ZHX2: variants seen among roughly 807,000 people sequenced by gnomAD.
ZHX2 encodes the protein zinc fingers and homeoboxes protein 2.
ZHX2 carries 6 observed loss-of-function variants against 21.9 expected under a neutral mutation model. That is an observed-to-expected ratio of 0.27 (90% confidence interval 0.15 to 0.54). The LOEUF (loss-of-function observed/expected upper bound fraction) is 0.54. Among genes scored for constraint, ZHX2 ranks in the 20% least tolerant of loss-of-function variants. ZHX2 has a pLI of 0.95. For synonymous variants in ZHX2, 434 were observed against 437.1 expected, an observed-to-expected ratio of 0.99 and a Z score of 0.09; for missense variants, 908 against 1,090.7, an observed-to-expected ratio of 0.83 and a Z score of 2.36.
intron 2 of ZHX2, among the ~76,000 whole-genome samples, chr8:122,911,830 T>C (rs963169163): frequency 2.0e-5 from 3 of 152,094 alleles, no homozygotes; most frequent in Non-Finnish European, 2.9e-5. Context: ...ATGAAGATGG[T>C]ACATTTCAGC....
intron 1 of ZHX2, among the ~76,000 whole-genome samples, chr8:122,785,305 G>A (rs1817373491): frequency 6.6e-6 from 1 of 152,276 alleles, no homozygotes; most frequent in Non-Finnish European, 1.5e-5. Flanking sequence ...AGACAACAAC[G>A]GGGTGAGGGG....
chr8:122,870,368 G>A (rs1489715686), intron 2 of ZHX2, among the ~76,000 whole-genome samples: 5 of 151,952 alleles, frequency 3.3e-5, no homozygotes, highest in African/African-American at 7.3e-5. Flanking sequence ...GGTAGCTCAC[G>A]CCTGTAATCC....
At chr8:122,892,003 A>G (rs1819991708) in intron 2 of ZHX2, among the ~76,000 whole-genome samples, 1 of 152,202 alleles carries the variant, frequency 6.6e-6, no homozygotes, top group African/African-American at 2.4e-5. Flanking sequence ...GGTCTGTCCA[A>G]TGCTGACAGT....
chr8:122,910,706 C>T (rs1319610081), intron 2 of ZHX2, among the ~76,000 whole-genome samples: 2 of 151,884 alleles, frequency 1.3e-5, no homozygotes, highest in Non-Finnish European at 2.9e-5. Flanking sequence ...CAATCGAGAC[C>T]CTTCCCCAGC....
chr8:122,875,129 TTATATA>T (rs71310631), intron 2 of ZHX2, among the ~76,000 whole-genome samples: 9 of 10,226 alleles, frequency 8.8e-4, no homozygotes, highest in South Asian at 2.6e-3. Flanking sequence ...GAAAACTCTG[TTATATA>T]TATATATATA....
At chr8:122,907,155 T>C (rs1210475847) in intron 2 of ZHX2, among the ~76,000 whole-genome samples, 1 of 152,110 alleles carries the variant, frequency 6.6e-6, no homozygotes, top group Non-Finnish European at 1.5e-5. Flanking sequence ...ATTTAGAAAG[T>C]TAATTTTGCC....
At chr8:122,963,395 A>G (rs778928741) in intron 3 of ZHX2, among the ~76,000 whole-genome samples, 10 of 151,858 alleles carry the variant, frequency 6.6e-5, no homozygotes, top group Non-Finnish European at 1.3e-4. Context: ...TCCCCACTTT[A>G]TGTTTTTGTT....
chr8:122,802,797 C>A (rs1158389618), intron 1 of ZHX2, among the ~76,000 whole-genome samples: 2 of 152,194 alleles, frequency 1.3e-5, no homozygotes, highest in Non-Finnish European at 2.9e-5. Context: ...GCAAGGCTGG[C>A]AGGGGGCTGC....
chr8:122,932,622 C>T (rs1416313546), intron 2 of ZHX2, among the ~76,000 whole-genome samples: 2 of 152,204 alleles, frequency 1.3e-5, no homozygotes, highest in East Asian at 3.8e-4. Context: ...AAGAGTGAAA[C>T]TCCATCTCAA....
intron 2 of ZHX2, among the ~76,000 whole-genome samples, chr8:122,925,322 T>C (rs530105275): frequency 6.6e-6 from 1 of 152,312 alleles, no homozygotes; most frequent in Admixed American, 6.5e-5. Flanking sequence ...GAGGACGTGA[T>C]GGTGTGTGAT....
At chr8:122,958,497 G>A (rs930401613) in intron 3 of ZHX2, among the ~76,000 whole-genome samples, 1 of 152,212 alleles carries the variant, frequency 6.6e-6, no homozygotes, top group African/African-American at 2.4e-5. Context: ...GACACCCACT[G>A]TGTGCTCAGC....
rs545298624 is a variant in ZHX2 at position 122,941,102 on chromosome 8, C to T, written c.-219-10190C>T. ...AAAAAAAAAAGATTGTTTTAAGAAG[C>T]TGGGCATGGTGGCATGTGCCTGTAG... On this transcript the variant is annotated intron_variant, in intron 2 of 3. Transcript: ENST00000314393. Among the ~76,000 whole-genome samples the T allele has an allele frequency of 1.3e-3, 203 of 150,914 alleles. 1 individual carries two copies. The highest frequency in any genetic ancestry group is 2.6e-3 in the Non-Finnish European group (175 of 67,858).
chr8:122,819,363 C>G (rs1310161682), intron 1 of ZHX2, among the ~76,000 whole-genome samples: 1 of 152,218 alleles, frequency 6.6e-6, no homozygotes, highest in Non-Finnish European at 1.5e-5. Flanking sequence ...ATAGAGTAAG[C>G]ATGCCAGCAG....
Position 122,803,762 on chromosome 8 carries a change from CT to C in ZHX2, c.-283+21817del, listed in dbSNP as rs1396141915. Among the ~76,000 whole-genome samples the C allele has an allele frequency of 2.6e-5, 4 of 152,362 alleles. No homozygotes were observed. In the South Asian group the frequency reaches 8.3e-4, roughly 32 times the overall value. On this transcript the variant is annotated intron_variant, in intron 1 of 3. Transcript: ENST00000314393. ...TGTCTTGGTCCCAGTAGTGCTCCCC[CT>C]GGCAGCTCATTATCCTCACCTGAGC...
intron 1 of ZHX2, among the ~76,000 whole-genome samples, chr8:122,830,092 C>T (rs1375145144): frequency 6.6e-6 from 1 of 152,120 alleles, no homozygotes; most frequent in Non-Finnish European, 1.5e-5. Flanking sequence ...GAGCGTGTGC[C>T]GACAGACAAC....
intron 1 of ZHX2, among the ~76,000 whole-genome samples, chr8:122,822,217 G>A (rs557853256): frequency 6.6e-6 from 1 of 152,262 alleles, no homozygotes; most frequent in East Asian, 1.9e-4. Flanking sequence ...CACGATTTTA[G>A]TGCTAAGTGA....
In ZHX2 at chr8:122,880,327, C is replaced by A. The variant is rs115665193; in HGVS notation, c.-220+16788C>A. On this transcript the variant is annotated intron_variant, in intron 2 of 3. Coordinates refer to ENST00000314393, the MANE Select transcript of ZHX2 (RefSeq NM_014943.5). The stretch of plus-strand genomic sequence containing the variant: ...GAGGCTGGTGACACGGAGTGACTCC[C>A]AGAGGACCCACCATGGTGGGGCTGG... Among the ~76,000 whole-genome samples, 1,094 of 152,162 alleles carry A rather than the reference C, an allele frequency of 7.2e-3. 12 individuals are homozygous for A. The highest frequency in any genetic ancestry group is 0.025 in the African/African-American group (1,034 of 41,514).
intron 2 of ZHX2, among the ~76,000 whole-genome samples, chr8:122,869,145 C>T (rs1478853318): frequency 6.6e-6 from 1 of 152,148 alleles, no homozygotes; most frequent in Non-Finnish European, 1.5e-5. Context: ...CAGAACTTCT[C>T]CACAGCCTGT....
At chr8:122,881,526 G>A (rs1365233563) in intron 2 of ZHX2, among the ~76,000 whole-genome samples, 5 of 152,186 alleles carry the variant, frequency 3.3e-5, no homozygotes, top group Admixed American at 2.6e-4. Flanking sequence ...ACAATATCTG[G>A]AGTAAACATA....
Sources: allele counts gnomAD v4.1 joint callset (sites outside exome capture counted in the v4.1 genomes callset), GRCh38; gene constraint gnomAD v4.1.1; transcripts MANE v1.5; gene names NCBI Gene and HGNC (gene_info 2026-07-23, HGNC 2026-07-21).